PKHD1: variants seen among roughly 807,000 people sequenced by gnomAD.
PKHD1 encodes PKHD1 ciliary IPT domain containing fibrocystin/polyductin.
PKHD1 carries 291 observed loss-of-function variants against 412.0 expected under a neutral mutation model. The observed-to-expected ratio is 0.71, with a 90% CI of 0.64 to 0.78. The LOEUF is 0.78. Ranked by LOEUF, PKHD1 falls within the 30% of genes least tolerant of loss-of-function variation. PKHD1 has a pLI of 0.00. For synonymous variants in PKHD1, 1,777 were observed against 1,821.5 expected (o/e 0.98, Z 0.62); for missense variants, 4,825 against 4,950.7 (o/e 0.97, Z 0.76).
intron 55 of PKHD1, among the ~76,000 whole-genome samples, chr6:51,762,549 A>G (rs1788189103): frequency 6.6e-6 from 1 of 151,996 alleles, no homozygotes; most frequent in South Asian, 2.1e-4. Context: ...TTTTCTTCAA[A>G]ATATCTTGCT....
In PKHD1 at chr6:52,082,439, G is replaced by A. The variant is rs9474143; in HGVS notation, c.234C>T (p.Asp78=). 0.26 allele frequency: 417,544 copies of A among 1,612,848 alleles called. 56,908 individuals are homozygous for A. Among genetic ancestry groups the A allele is most frequent in the East Asian group, 0.44 (19,518 of 44,836 alleles). Residue 78 remains aspartate (D), a synonymous_variant, in exon 4 of 67, where the codon GAC becomes GAT. Transcript: ENST00000371117. ...GCAAATCCAAGAAAACAGGAAAGAC[G>A]TCACAGGGAACACTCCGCAGTGCGG... ...VVPALRSVPC[D]VFPVFLDLPV...
chr6:52,068,734 G>A (rs1446396997), intron 11 of PKHD1, among the ~76,000 whole-genome samples: 2 of 152,176 alleles, frequency 1.3e-5, no homozygotes, highest in Non-Finnish European at 2.9e-5. Context: ...ACCCCAAATA[G>A]ACTAGCAATA....
At position 52,010,305 on chromosome 6, in the gene PKHD1, A is replaced by C; in HGVS notation, c.5751+4T>G. The stretch of plus-strand genomic sequence containing the variant: ...ATCAGTCTGTAAAAAAGATTTGATT[A>C]TACCTGAGTGTTCTGGCCCCAGCGT... On this transcript the variant is annotated splice_donor_region_variant and intron_variant, in intron 35 of 66. Transcript: ENST00000371117. The C allele has an allele frequency of 6.2e-7, 1 of 1,613,202 alleles. No individual in the cohort carries two copies. The highest frequency in any genetic ancestry group is 8.5e-7 in the Non-Finnish European group (1 of 1,179,252).
intron 55 of PKHD1, among the ~76,000 whole-genome samples, chr6:51,764,788 T>C (rs1052118057): frequency 6.6e-6 from 1 of 152,068 alleles, no homozygotes; most frequent in Non-Finnish European, 1.5e-5. Flanking sequence ...TCAACCATCA[T>C]GGTATTCTTT....
chr6:52,034,392 A>C lies in PKHD1; in HGVS notation c.3228+1199T>G, dbSNP rs916807727. On this transcript the variant is annotated intron_variant, in intron 28 of 66. Transcript: ENST00000371117. ...AAACATAATTTACTATTTTCCTTTTAACCTATGCATCTATCACTTGGATCA... is the reference window on the plus strand; with the variant it reads ...AAACATAATTTACTATTTTCCTTTTCACCTATGCATCTATCACTTGGATCA... Among the ~76,000 whole-genome samples the C allele has an allele frequency of 2.6e-5, 4 of 152,196 alleles. No individual in the cohort carries two copies. In the Middle Eastern group the frequency reaches 0.014, roughly 518 times the overall value.
chr6:51,775,920 A>G lies in PKHD1; in HGVS notation c.8442T>C (p.Gly2814=). Residue 2814 remains glycine (G), a splice_region_variant and synonymous_variant, in exon 54 of 67, where the codon GGT becomes GGC. Transcript: ENST00000371117. ...MVIAGGELKV[G]TLENPLEKEQ... ...CCTTTTCTAAGGGATTTTCTAAAGT[A>G]CCTGTTTACAAAGAAAAGTATATCA... 1.4e-6 allele frequency: 2 copies of G among 1,385,118 alleles called. No homozygotes were observed. Among genetic ancestry groups the G allele is most frequent in the Non-Finnish European group, 2.1e-6 (2 of 972,920 alleles). The allele number at this position is 1,385,118 out of a possible 1,614,324, so 85.8% of individuals were successfully genotyped here.
At chr6:51,991,846 C>T (rs776777154) in intron 35 of PKHD1, among the ~76,000 whole-genome samples, 1 of 152,122 alleles carries the variant, frequency 6.6e-6, no homozygotes, top group Non-Finnish European at 1.5e-5. Context: ...ATGACCATTC[C>T]AGATTTATTC....
chr6:51,697,217 A>G (rs1268154722), intron 60 of PKHD1, among the ~76,000 whole-genome samples: 1 of 152,040 alleles, frequency 6.6e-6, no homozygotes, highest in East Asian at 1.9e-4. Context: ...TATAAAGGAT[A>G]CTAGTAATTG....
At chr6:51,914,575 T>A (rs1370429516) in intron 37 of PKHD1, among the ~76,000 whole-genome samples, 1 of 152,142 alleles carries the variant, frequency 6.6e-6, no homozygotes, top group South Asian at 2.1e-4. Flanking sequence ...TTCCTCCTTA[T>A]GTTCTTTTTT....
intron 43 of PKHD1, among the ~76,000 whole-genome samples, chr6:51,890,967 G>C (rs975457954): frequency 4.6e-5 from 7 of 152,182 alleles, no homozygotes; most frequent in Non-Finnish European, 1.0e-4. Context: ...TATCAGTGCA[G>C]ACAGTAGGGC....
rs201195801 is a variant in PKHD1, at chr6:52,083,179, A to G, written c.129T>C (p.Asp43=). 489 of 1,599,106 alleles carry G rather than the reference A, an allele frequency of 3.1e-4. No individual in the cohort carries two copies. Among genetic ancestry groups the G allele is most frequent in the Admixed American group, 6.2e-4 (37 of 59,998 alleles). ...AGGTWITVIF[D]GLELGVLYPN... is the part of the protein sequence containing the mutation. ...GCACTTGGTAAAACCCCAACCTACC[A>G]TCAAAAATGACTGTGATCCACGTTC... is the stretch of plus-strand genomic sequence containing the variant. The change falls in exon 3 of 67, where the codon GAT becomes GAC. Residue 43 remains aspartate (D), a splice_region_variant and synonymous_variant. Transcript: ENST00000371117.
chr6:51,977,145 A>G (rs1794566724), intron 35 of PKHD1, among the ~76,000 whole-genome samples: 1 of 152,146 alleles, frequency 6.6e-6, no homozygotes. Context: ...TCAGATGAGA[A>G]CACTGAAGCC....
chr6:51,764,104 C>A (rs148707338), intron 55 of PKHD1, among the ~76,000 whole-genome samples: 3 of 136,916 alleles, frequency 2.2e-5, no homozygotes, highest in South Asian at 2.5e-4. Flanking sequence ...TCCCCCCTCC[C>A]CCCACCCCAC....
chr6:51,791,488 G>C lies in PKHD1; in HGVS notation c.8303-115C>G, dbSNP rs549143564. The C allele has an allele frequency of 5.6e-6, 5 of 897,624 alleles. No homozygotes were observed. The South Asian group carries it at 7.0e-5, about 13-fold the overall frequency. The allele number at this position is 897,624 out of a possible 1,614,324, so 55.6% of individuals were successfully genotyped here. The stretch of plus-strand genomic sequence containing the variant: ...GTACAGTGTTATCTAAACCAGGACA[G>C]GTATAGCAACTGGAAGAACAAATAG... On this transcript the variant is annotated intron_variant, in intron 52 of 66. Coordinates refer to ENST00000371117, the MANE Select transcript of PKHD1 (RefSeq NM_138694.4).
chr6:51,886,116 T>G lies in PKHD1; in HGVS notation c.7110-144A>C. ...CTGTGACCCTCCCCCTAACTGTTCTTGCCTACCCCTCAGCCCTCCCACTTT... is the reference window on the plus strand; with the variant it reads ...CTGTGACCCTCCCCCTAACTGTTCTGGCCTACCCCTCAGCCCTCCCACTTT... On this transcript the variant is annotated intron_variant, in intron 44 of 66. Coordinates refer to ENST00000371117, the MANE Select transcript of PKHD1 (RefSeq NM_138694.4). 9 of 693,858 alleles carry G rather than the reference T, an allele frequency of 1.3e-5. No homozygotes were observed. In the South Asian group the frequency reaches 1.5e-4, roughly 11 times the overall value. 43.0% of individuals were successfully genotyped at this position (693,858 alleles called of 1,614,324 possible).
chr6:52,070,539 T>A, intron 9 of PKHD1, 94 bp from the exon 10 acceptor site: 1 of 866,494 alleles, frequency 1.2e-6, no homozygotes, highest in Non-Finnish European at 1.9e-6. Context: ...TCCAATATCA[T>A]CAAATTACCA....
At chr6:52,002,261 T>A (rs1449786797) in intron 35 of PKHD1, among the ~76,000 whole-genome samples, 1 of 152,220 alleles carries the variant, frequency 6.6e-6, no homozygotes, top group Non-Finnish European at 1.5e-5. Context: ...GGAAGTCAGC[T>A]AGTACCAATC....
At chr6:51,750,190 C>G (rs1215632725) in intron 57 of PKHD1, among the ~76,000 whole-genome samples, 2 of 152,014 alleles carry the variant, frequency 1.3e-5, no homozygotes, top group African/African-American at 4.8e-5. Flanking sequence ...AACAGGATTC[C>G]GAAGTATCTA....
intron 55 of PKHD1, among the ~76,000 whole-genome samples, chr6:51,768,429 T>C (rs920342608): frequency 6.6e-6 from 1 of 152,016 alleles, no homozygotes; most frequent in Admixed American, 6.6e-5. Flanking sequence ...TAGTTTTGTT[T>C]TTATAGGTTC....
Sources: allele counts gnomAD v4.1 joint callset (sites outside exome capture counted in the v4.1 genomes callset), GRCh38; gene constraint gnomAD v4.1.1; transcripts MANE v1.5; gene names NCBI Gene and HGNC (gene_info 2026-07-23, HGNC 2026-07-21).